BTF3L4: variants seen among roughly 807,000 people sequenced by gnomAD.
The protein encoded by BTF3L4 is basic transcription factor 3 like 4.
Under a neutral mutation model 16.8 loss-of-function variants are expected in BTF3L4, and 6 were observed. The ratio of observed to expected loss-of-function variants is 0.36; its 90% CI spans 0.20 to 0.71. The LOEUF is 0.71. Ranked by LOEUF, BTF3L4 falls within the 30% of genes least tolerant of loss-of-function variation. The pLI is 0.58. For missense variants in BTF3L4, 92 were observed against 186.9 expected, an observed-to-expected ratio of 0.49 and a Z score of 2.96; for synonymous variants, 39 against 59.8, an observed-to-expected ratio of 0.65 and a Z score of 1.60.
At chr1:52,083,599 A>G in intron 4 of BTF3L4, 58 bp downstream of exon 4, 2 of 1,333,492 alleles carry the variant, frequency 1.5e-6, no homozygotes, top group East Asian at 2.3e-5. Flanking sequence ...GAACCTAATC[A>G]TTTAAAAGGT....
intron 2 of BTF3L4, among the ~76,000 whole-genome samples, chr1:52,062,677 A>G (rs1044794566): frequency 6.6e-6 from 1 of 152,210 alleles, no homozygotes; most frequent in African/African-American, 2.4e-5. Context: ...CATTTTAGAA[A>G]GGTAGCTGCT....
At chr1:52,073,153 G>A (rs1162572296) in intron 3 of BTF3L4, among the ~76,000 whole-genome samples, 1 of 151,994 alleles carries the variant, frequency 6.6e-6, no homozygotes, top group Non-Finnish European at 1.5e-5. Context: ...GCATGGTGGT[G>A]CACACCTGTA....
At chr1:52,080,519 GTTTTTTTTTTTTTTTTT>G (rs753783341) in intron 3 of BTF3L4, among the ~76,000 whole-genome samples, 3 of 70,232 alleles carry the variant, frequency 4.3e-5, no homozygotes, top group Non-Finnish European at 7.0e-5. Flanking sequence ...GGTTTTTTGG[GTTTTTTTTTTTTTTTTT>G]TTTTTTTTTT....
chr1:52,063,179 G>A (rs140657901), intron 2 of BTF3L4, among the ~76,000 whole-genome samples: 4 of 152,288 alleles, frequency 2.6e-5, no homozygotes, highest in Non-Finnish European at 4.4e-5. Context: ...TAAAGGGCAT[G>A]CAGAAGAATC....
intron 3 of BTF3L4, among the ~76,000 whole-genome samples, chr1:52,068,896 A>C (rs1044940664): frequency 6.6e-6 from 1 of 152,196 alleles, no homozygotes; most frequent in African/African-American, 2.4e-5. Context: ...GCATTTGTGC[A>C]GAGAAGGGTT....
chr1:52,068,781 A>G (rs1020458950), intron 3 of BTF3L4, among the ~76,000 whole-genome samples: 1 of 152,144 alleles, frequency 6.6e-6, no homozygotes, highest in Non-Finnish European at 1.5e-5. Context: ...CATTATAGAA[A>G]AGAAATCCCC....
chr1:52,075,119 C>T (rs1194607507), intron 3 of BTF3L4, among the ~76,000 whole-genome samples: 1 of 152,066 alleles, frequency 6.6e-6, no homozygotes, highest in Non-Finnish European at 1.5e-5. Flanking sequence ...AAAAAAACTC[C>T]TTTTAATCAT....
In BTF3L4 at chr1:52,088,407, G is replaced by C. The variant is rs1407372509; in HGVS notation, c.*1649G>C. 6.6e-6 allele frequency: 1 copy of C among 152,488 alleles called. No homozygotes were observed. The highest frequency in any genetic ancestry group is 1.5e-5 in the Non-Finnish European group (1 of 68,018). The allele number at this position is 152,488 out of a possible 1,614,324, so 9.4% of individuals were successfully genotyped here. A position where few individuals can be genotyped will look rare whatever the true frequency, so the allele number is the denominator to read the frequency against. On this transcript the variant is annotated 3_prime_UTR_variant, in exon 6 of 6. Coordinates refer to ENST00000313334, the MANE Select transcript of BTF3L4 (RefSeq NM_152265.5). ...GCAAAAGAGGAGAATATTTCCTCTTGTGCTTTTCTTGATGTTGTGTACAGA... is the reference window on the plus strand; with the variant it reads ...GCAAAAGAGGAGAATATTTCCTCTTCTGCTTTTCTTGATGTTGTGTACAGA...
chr1:52,079,429 A>ATAC (rs1643894539), intron 3 of BTF3L4, among the ~76,000 whole-genome samples: 1 of 151,546 alleles, frequency 6.6e-6, no homozygotes, highest in South Asian at 2.1e-4. Flanking sequence ...TTTACCTTCT[A>ATAC]GTATTTCTCT....
intron 3 of BTF3L4, among the ~76,000 whole-genome samples, chr1:52,070,400 T>G (rs1686758061): frequency 6.6e-6 from 1 of 150,770 alleles, no homozygotes; most frequent in South Asian, 2.1e-4. Flanking sequence ...GTTTTTAATG[T>G]TACCAAACAA....
Position 52,087,580 on chromosome 1 carries a change from C to T in BTF3L4, c.*822C>T, listed in dbSNP as rs181688070. On this transcript the variant is annotated 3_prime_UTR_variant, in exon 6 of 6. Transcript: ENST00000313334. ...ATCCCTCCTTTTGTAAGATTTTGTT[C>T]CCTCAGCTTGAGGAACAACTTCATC... The T allele has an allele frequency of 1.1e-4, 16 of 152,204 alleles. No individual in the cohort carries two copies. The highest frequency in any genetic ancestry group is 9.2e-4 in the Admixed American group (14 of 15,274). The allele number at this position is 152,204 out of a possible 1,614,324, so 9.4% of individuals were successfully genotyped here. A position where few individuals can be genotyped will look rare whatever the true frequency, so the allele number is the denominator to read the frequency against.
intron 3 of BTF3L4, among the ~76,000 whole-genome samples, chr1:52,066,513 TG>T (rs1686652600): frequency 6.7e-6 from 1 of 149,028 alleles, no homozygotes; most frequent in East Asian, 2.1e-4. Flanking sequence ...GTTCCATCTG[TG>T]ATGGTAACCA....
At chr1:52,066,154 T>C (rs1686642260) in intron 3 of BTF3L4, among the ~76,000 whole-genome samples, 1 of 152,170 alleles carries the variant, frequency 6.6e-6, no homozygotes, top group African/African-American at 2.4e-5. Flanking sequence ...CAACTACTTG[T>C]GATGTTACCA....
chr1:52,073,974 G>A (rs1468353886), intron 3 of BTF3L4, among the ~76,000 whole-genome samples: 1 of 151,970 alleles, frequency 6.6e-6, no homozygotes, highest in East Asian at 1.9e-4. Flanking sequence ...TGCAGCCTGG[G>A]CAACAAAGCA....
chr1:52,061,976 G>A (rs1686523233), intron 2 of BTF3L4, among the ~76,000 whole-genome samples: 1 of 149,188 alleles, frequency 6.7e-6, no homozygotes, highest in Admixed American at 6.7e-5. Context: ...TCTCTCTGTC[G>A]CCCAGGCTGT....
In BTF3L4 at chr1:52,089,396, A is replaced by G. The variant is rs748191639; in HGVS notation, c.*2638A>G. 5.3e-5 allele frequency: 8 copies of G among 152,156 alleles called. No individual in the cohort carries two copies. Among genetic ancestry groups the G allele is most frequent in the Non-Finnish European group, 1.2e-4 (8 of 68,028 alleles). 9.4% of individuals were successfully genotyped at this position (152,156 alleles called of 1,614,324 possible). On this transcript the variant is annotated 3_prime_UTR_variant, in exon 6 of 6. Transcript: ENST00000313334. ...TGAACAAAGCATATTTAGAGTCTCAAAGAAATCCTCTCCACAAAGACATGT... is the reference window on the plus strand; with the variant it reads ...TGAACAAAGCATATTTAGAGTCTCAGAGAAATCCTCTCCACAAAGACATGT...
intron 3 of BTF3L4, among the ~76,000 whole-genome samples, chr1:52,083,067 T>A (rs1015376515): frequency 6.6e-6 from 1 of 152,232 alleles, no homozygotes; most frequent in African/African-American, 2.4e-5. Context: ...AACATGGTCA[T>A]GTACTTCCTT....
At chr1:52,085,809 C>T (rs1643966971) in intron 4 of BTF3L4, among the ~76,000 whole-genome samples, 2 of 152,068 alleles carry the variant, frequency 1.3e-5, no homozygotes, top group Admixed American at 1.3e-4. Context: ...CGCATCACTA[C>T]ACTCCAGCCT....
chr1:52,070,116 C>A (rs960479461), intron 3 of BTF3L4, among the ~76,000 whole-genome samples: 1 of 151,612 alleles, frequency 6.6e-6, no homozygotes, highest in Non-Finnish European at 1.5e-5. Context: ...ACTCAGGAGG[C>A]TGAGGTAGGA....
Sources: gnomAD v4.1 joint callset for allele counts (sites outside exome capture counted in the v4.1 genomes callset) on GRCh38, gnomAD v4.1.1 for gene constraint, MANE v1.5 for transcripts, NCBI Gene and HGNC (gene_info 2026-07-23, HGNC 2026-07-21) for gene names.